The following SERPINE3 variants were observed in gnomAD, a reference collection of about 807,000 sequenced individuals.
SERPINE3 encodes the protein serpin E3.
A neutral mutation model predicts 41.7 loss-of-function variants in SERPINE3; 43 were observed. That is an observed-to-expected ratio of 1.03 (90% CI 0.81 to 1.33). SERPINE3 has a LOEUF of 1.33. Ranked by LOEUF, SERPINE3 falls within the 40% of genes most tolerant of loss-of-function variation. SERPINE3 has a pLI of 0.00. For missense variants in SERPINE3, 440 were observed against 491.7 expected (o/e 0.89, Z 0.99); for synonymous variants, 200 against 192.2 (o/e 1.04, Z -0.34).
intron 7 of SERPINE3, among the ~76,000 whole-genome samples, chr13:51,357,462 A>C (rs901472938): frequency 3.3e-5 from 5 of 152,126 alleles, no homozygotes; most frequent in East Asian, 1.9e-4. Context: ...GGGATTACCA[A>C]GCAGTTTTGT....
intron 6 of SERPINE3, among the ~76,000 whole-genome samples, chr13:51,349,566 C>A (rs1018626125): frequency 6.6e-6 from 1 of 152,138 alleles, no homozygotes; most frequent in Non-Finnish European, 1.5e-5. Flanking sequence ...GAGGCTGGTG[C>A]GAGAATTCGC....
chr13:51,362,103 T>A (rs1380886327), intron 9 of SERPINE3: 45 of 1,482,794 alleles, frequency 3.0e-5, no homozygotes, highest in East Asian at 1.0e-4. Context: ...TTTTTTACCT[T>A]CTCATTCTCT....
chr13:51,361,993 T>C (rs1161799187), intron 9 of SERPINE3, 100 bp downstream of exon 9: 1 of 1,610,520 alleles, frequency 6.2e-7, no homozygotes, highest in Non-Finnish European at 8.5e-7. Context: ...AAGCATTCTT[T>C]CTAGCTGTTT....
intron 6 of SERPINE3, 89 bp downstream of exon 6, chr13:51,348,500 T>C: frequency 9.4e-7 from 1 of 1,068,172 alleles, no homozygotes; most frequent in Middle Eastern, 2.1e-4. Flanking sequence ...CTCCAGGGTC[T>C]GTGCTTAGCC....
At chr13:51,349,137 A>G (rs764252664) in intron 6 of SERPINE3, among the ~76,000 whole-genome samples, 1 of 152,184 alleles carries the variant, frequency 6.6e-6, no homozygotes, top group African/African-American at 2.4e-5. Flanking sequence ...ATTTATAACC[A>G]TTTTTTGACC....
intron 4 of SERPINE3, 79 bp downstream of exon 4, chr13:51,344,564 GC>G: frequency 8.4e-7 from 1 of 1,186,328 alleles, no homozygotes. Flanking sequence ...CTTGTCAGAG[GC>G]CATGGTGCTC....
intron 4 of SERPINE3, 26 bp from the exon 5 acceptor site, chr13:51,346,999 T>A (rs1407458213): frequency 6.5e-7 from 1 of 1,535,560 alleles, no homozygotes; most frequent in Admixed American, 1.9e-5. Context: ...ATTTAACCCA[T>A]GGCCACCTTG....
chr13:51,348,695 G>C (rs1361333232), intron 6 of SERPINE3: 1 of 396,488 alleles, frequency 2.5e-6, no homozygotes, highest in Non-Finnish European at 4.6e-6. Context: ...AGCCCCCCAG[G>C]ACCCCCTGAT....
intron 9 of SERPINE3, chr13:51,363,695 G>GA: frequency 6.6e-6 from 1 of 150,708 alleles, no homozygotes; most frequent in East Asian, 1.9e-4. Context: ...TTTTTTAAAT[G>GA]AAAAAAGCCT....
chr13:51,358,579 G>A (rs1393101293), intron 7 of SERPINE3, among the ~76,000 whole-genome samples: 2 of 152,146 alleles, frequency 1.3e-5, no homozygotes, highest in South Asian at 4.2e-4. Flanking sequence ...AAGGCCATTC[G>A]TATAGTGGTA....
chr13:51,351,957 A>T (rs1450671379), intron 6 of SERPINE3, among the ~76,000 whole-genome samples: 1 of 149,502 alleles, frequency 6.7e-6, no homozygotes, highest in Non-Finnish European at 1.5e-5. Flanking sequence ...ATAAATGTCT[A>T]AGTTTATTTC....
In SERPINE3 at chr13:51,364,014, A is replaced by G. The variant is rs140465879; in HGVS notation, c.1172-225A>G. On this transcript the variant is annotated intron_variant, in intron 9 of 9. Coordinates refer to ENST00000681248, the MANE Select transcript of SERPINE3 (RefSeq NM_001386375.1). The stretch of plus-strand genomic sequence containing the variant: ...TGAATGACTTCTAATTCCTCCTAGT[A>G]ATTCCAGAATCTAAATATATATAAT... 8.0e-4 allele frequency: 254 copies of G among 318,304 alleles called. 1 individual carries two copies. Among genetic ancestry groups the G allele is most frequent in the African/African-American group, 4.9e-3 (230 of 46,774 alleles). The allele number at this position is 318,304 out of a possible 1,614,324, so 19.7% of individuals were successfully genotyped here.
At chr13:51,356,166 C>T (rs759227413) in intron 7 of SERPINE3, among the ~76,000 whole-genome samples, 1 of 152,084 alleles carries the variant, frequency 6.6e-6, no homozygotes, top group Non-Finnish European at 1.5e-5. Context: ...TACTCATTGC[C>T]TGAACACGCA....
In SERPINE3 at chr13:51,344,358, GCCACTGTC is replaced by G; in HGVS notation, c.366_373del (p.Ser124LeufsTer10). Reference sequence around the variant, plus strand: ...GCAGCCTTTTTGTGCAAGTGGGAACGCCACTGTCCCCCTGCTTTGTGGAGCACGTCTCC... The same window carrying G: ...GCAGCCTTTTTGTGCAAGTGGGAACGCCCCTGCTTTGTGGAGCACGTCTCC... On this transcript the variant is annotated frameshift_variant, in exon 4 of 10. Transcript: ENST00000681248. LOFTEE classifies it high-confidence loss of function. The G allele has an allele frequency of 6.2e-7, 1 of 1,613,700 alleles. No homozygotes were observed. Among genetic ancestry groups the G allele is most frequent in the Non-Finnish European group, 8.5e-7 (1 of 1,179,780 alleles).
At position 51,364,709 on chromosome 13, in the gene SERPINE3, A is replaced by G. The variant is rs1190085318; in HGVS notation, c.*427A>G. ...GGTGTTTCCTTTCCATTTAGCTTATAAATAAAACAGAGTTTAAGTGTGAGA... is the reference window on the plus strand; with the variant it reads ...GGTGTTTCCTTTCCATTTAGCTTATGAATAAAACAGAGTTTAAGTGTGAGA... On this transcript the variant is annotated 3_prime_UTR_variant, in exon 10 of 10. Coordinates refer to ENST00000681248, the MANE Select transcript of SERPINE3 (RefSeq NM_001386375.1). 1.3e-5 allele frequency: 2 copies of G among 154,502 alleles called. No individual in the cohort carries two copies. Among genetic ancestry groups the G allele is most frequent in the African/African-American group, 4.8e-5 (2 of 41,502 alleles). The allele number at this position is 154,502 out of a possible 1,614,324, so 9.6% of individuals were successfully genotyped here. A position where few individuals can be genotyped will look rare whatever the true frequency, so the allele number is the denominator to read the frequency against.
intron 9 of SERPINE3, chr13:51,362,279 G>T (rs1418327013): frequency 3.2e-6 from 1 of 310,534 alleles, no homozygotes; most frequent in East Asian, 8.2e-5. Flanking sequence ...GGTCACTAGA[G>T]TACACCAGAG....
At position 51,347,038 on chromosome 13, in the gene SERPINE3, T is replaced by A. The variant is rs1430153093; in HGVS notation, c.504T>A (p.Ser168Arg). The A allele has an allele frequency of 6.3e-7, 1 of 1,583,098 alleles. No individual in the cohort carries two copies. The highest frequency in any genetic ancestry group is 1.2e-5 in the South Asian group (1 of 86,618). The change falls in exon 5 of 10, where the codon AGT becomes AGA. Residue 168 changes from serine to arginine, a missense_variant. Coordinates refer to ENST00000681248, the MANE Select transcript of SERPINE3 (RefSeq NM_001386375.1). ...TCCTGCTTGCAGGTGGGGGCCCCAG[T>A]GAGGGCCCTGGTGGCTGGCCGTGGG... Reference protein sequence around the residue: ...ASRETAGGGPSEGPGGWPWEQ... With the variant: ...ASRETAGGGPREGPGGWPWEQ...
rs192801025 is a variant in SERPINE3 at position 51,343,390 on chromosome 13, G to A, written c.257-862G>A. Among the ~76,000 whole-genome samples, 28 of 152,326 alleles carry A rather than the reference G, an allele frequency of 1.8e-4. No individual in the cohort carries two copies. In the East Asian group the frequency reaches 5.0e-3, roughly 27 times the overall value. Reference sequence around the variant, plus strand: ...TGTCTGGACTCACCAGTGGGCAAGAGCCCTCGTTCCAGCTATGGGATGCCT... The same window carrying A: ...TGTCTGGACTCACCAGTGGGCAAGAACCCTCGTTCCAGCTATGGGATGCCT... On this transcript the variant is annotated intron_variant, in intron 3 of 9. Coordinates refer to ENST00000681248, the MANE Select transcript of SERPINE3 (RefSeq NM_001386375.1).
intron 6 of SERPINE3, among the ~76,000 whole-genome samples, chr13:51,350,122 T>G (rs1372817250): frequency 2.0e-5 from 3 of 152,128 alleles, no homozygotes; most frequent in Non-Finnish European, 2.9e-5. Context: ...GCAGGCATTT[T>G]TCGTTTAACA....
Sources: allele counts gnomAD v4.1 joint callset (sites outside exome capture counted in the v4.1 genomes callset), GRCh38; gene constraint gnomAD v4.1.1; transcripts MANE v1.5; gene names NCBI Gene and HGNC (gene_info 2026-07-23, HGNC 2026-07-21).